RHPN2: variants seen among roughly 807,000 people sequenced by gnomAD.
RHPN2 encodes rhophilin Rho GTPase binding protein 2.
RHPN2 carries 40 observed loss-of-function variants against 79.0 expected under a neutral mutation model. The observed-to-expected ratio is 0.51, with a 90% CI of 0.39 to 0.66. RHPN2 has a LOEUF of 0.66. Ranked by LOEUF, RHPN2 falls within the 30% of genes least tolerant of loss-of-function variation. The pLI, the probability that RHPN2 is intolerant of heterozygous loss-of-function variation, is 0.00. For synonymous variants in RHPN2, 285 were observed against 363.5 expected, an observed-to-expected ratio of 0.78 and a Z score of 2.46; for missense variants, 686 against 883.5, an observed-to-expected ratio of 0.78 and a Z score of 2.83.
chr19:33,043,096 G>A lies in RHPN2; in HGVS notation c.185+1153C>T, dbSNP rs1240009949. Among the ~76,000 whole-genome samples the A allele has an allele frequency of 3.4e-5, 5 of 145,626 alleles. No individual in the cohort carries two copies. The East Asian group carries it at 8.3e-4, about 24-fold the overall frequency. The stretch of plus-strand genomic sequence containing the variant: ...TCCGTCTCAAAAAAAAAAAAAATTA[G>A]TCGGGCATGGTGGTGCATGCCTGTG... On this transcript the variant is annotated intron_variant, in intron 2 of 14. Coordinates refer to ENST00000254260, the MANE Select transcript of RHPN2 (RefSeq NM_033103.5).
chr19:33,009,439 TG>T (rs1314908525), intron 6 of RHPN2, among the ~76,000 whole-genome samples: 1 of 152,178 alleles, frequency 6.6e-6, no homozygotes, highest in African/African-American at 2.4e-5. Context: ...ACTCAGGATT[TG>T]TTTTAATTTG....
chr19:33,048,848 A>G (rs1972164928), intron 1 of RHPN2, among the ~76,000 whole-genome samples: 1 of 152,026 alleles, frequency 6.6e-6, no homozygotes, highest in Admixed American at 6.6e-5. Context: ...TTTGACTCTG[A>G]ATTACCTGGA....
rs766309812 is a variant in RHPN2 at position 33,010,384 on chromosome 19, TG to T, written c.593+1294del. Among the ~76,000 whole-genome samples the T allele has an allele frequency of 4.8e-4, 49 of 103,046 alleles. No individual in the cohort carries two copies. In the East Asian group the frequency reaches 8.9e-3, roughly 19 times the overall value. 67.6% of individuals were successfully genotyped at this position (103,046 alleles called of 152,430 possible). ...ATCTCCAAAGTACTTTTTTTTAGGT[TG>T]TTTTTTTTTTTTTTTGACACAGAGT... On this transcript the variant is annotated intron_variant, in intron 6 of 14. Transcript: ENST00000254260.
intron 6 of RHPN2, among the ~76,000 whole-genome samples, chr19:33,011,271 C>T (rs1427176883): frequency 6.6e-6 from 1 of 152,132 alleles, no homozygotes; most frequent in East Asian, 1.9e-4. Context: ...CTGTTTGGTG[C>T]TTTTGCCTCA....
chr19:32,985,054 A>T (rs80312505), intron 14 of RHPN2, among the ~76,000 whole-genome samples: 4 of 151,424 alleles, frequency 2.6e-5, no homozygotes, highest in Non-Finnish European at 5.9e-5. Flanking sequence ...GCTGGAGTGC[A>T]GTGGCACAAT....
At chr19:32,997,238 G>C (rs1314381788) in intron 10 of RHPN2, among the ~76,000 whole-genome samples, 1 of 152,166 alleles carries the variant, frequency 6.6e-6, no homozygotes, top group Non-Finnish European at 1.5e-5. Flanking sequence ...CCTCACTTGT[G>C]TCCATAAGAT....
intron 4 of RHPN2, 115 bp from the exon 5 acceptor site, chr19:33,012,839 T>TA (rs1599817973): frequency 4.4e-6 from 3 of 678,512 alleles, no homozygotes; most frequent in Non-Finnish European, 8.1e-6. Flanking sequence ...AAGAAAAACT[T>TA]ATAGTGATTT....
chr19:32,997,097 C>A (rs1014070160), intron 10 of RHPN2, among the ~76,000 whole-genome samples: 1 of 152,118 alleles, frequency 6.6e-6, no homozygotes, highest in Non-Finnish European at 1.5e-5. Flanking sequence ...ATTATCATTG[C>A]TATGTTGCCC....
intron 1 of RHPN2, among the ~76,000 whole-genome samples, chr19:33,050,136 C>T (rs745513824): frequency 9.2e-5 from 14 of 152,120 alleles, no homozygotes; most frequent in Non-Finnish European, 1.5e-4. Flanking sequence ...CAGGGTCAAT[C>T]GAAACCCATC....
chr19:33,021,125 T>C (rs1900302293), intron 4 of RHPN2, among the ~76,000 whole-genome samples: 1 of 152,172 alleles, frequency 6.6e-6, no homozygotes, highest in Non-Finnish European at 1.5e-5. Flanking sequence ...CAGACCCTCT[T>C]TGACTTGGCC....
intron 13 of RHPN2, 174 bp from the exon 14 acceptor site, chr19:32,990,843 A>C (rs1971652999): frequency 3.1e-6 from 2 of 635,932 alleles, no homozygotes; most frequent in Admixed American, 2.3e-5. Context: ...CAGCCTGTAC[A>C]ACACGGTGAA....
intron 2 of RHPN2, among the ~76,000 whole-genome samples, chr19:33,042,189 C>CAA (rs111551787): frequency 0.28 from 35,697 of 129,186 alleles, 7,312 homozygotes; most frequent in African/African-American, 0.59. Context: ...AACTCCATCT[C>CAA]AAAAAAAAAA....
At chr19:33,056,174 G>C (rs1293825157) in intron 1 of RHPN2, among the ~76,000 whole-genome samples, 2 of 148,756 alleles carry the variant, frequency 1.3e-5, no homozygotes, top group Non-Finnish European at 3.0e-5. Flanking sequence ...GTGCAATGGC[G>C]TGATCTCAGC....
At chr19:33,058,601 G>A (rs911225364) in intron 1 of RHPN2, among the ~76,000 whole-genome samples, 4 of 152,104 alleles carry the variant, frequency 2.6e-5, no homozygotes, top group Admixed American at 2.0e-4. Flanking sequence ...ACAACATGGT[G>A]AAACCCCAAC....
intron 2 of RHPN2, 121 bp from the exon 3 acceptor site, chr19:33,026,753 G>T: frequency 8.3e-7 from 1 of 1,210,576 alleles, no homozygotes; most frequent in Non-Finnish European, 1.2e-6. Flanking sequence ...GGAGGGCCAG[G>T]AGTGTCGGTT....
chr19:33,008,092 T>C lies in RHPN2; in HGVS notation c.682A>G (p.Thr228Ala). ...CGATCACACCGGGTCCCAATCTGGG[T>C]GTAGAGGGCCCCAGTGTTGAACAGG... ...SVLFNTGALY[T>A]QIGTRCDRQT... Residue 228 changes from threonine to alanine, a missense_variant, in exon 7 of 15, where the codon ACC becomes GCC. Physicochemically the swap from Thr to Ala is moderately conservative, Grantham distance 58 (BLOSUM62 0). Coordinates refer to ENST00000254260, the MANE Select transcript of RHPN2 (RefSeq NM_033103.5). The C allele has an allele frequency of 6.2e-7, 1 of 1,613,752 alleles. No individual in the cohort carries two copies. The highest frequency in any genetic ancestry group is 8.5e-7 in the Non-Finnish European group (1 of 1,179,948).
chr19:33,006,916 C>A (rs1368913174), intron 7 of RHPN2, among the ~76,000 whole-genome samples: 1 of 151,976 alleles, frequency 6.6e-6, no homozygotes, highest in Admixed American at 6.6e-5. Flanking sequence ...GTGGCAGGCG[C>A]CTGTAATCCC....
intron 4 of RHPN2, among the ~76,000 whole-genome samples, chr19:33,019,068 T>C (rs1330313607): frequency 1.4e-5 from 2 of 142,636 alleles, no homozygotes; most frequent in East Asian, 2.1e-4. Context: ...AAGAAAAAAA[T>C]AGTAATAGTC....
chr19:33,026,454 G>A lies in RHPN2; in HGVS notation c.314+50C>T, dbSNP rs117917910. 12,847 of 1,598,170 alleles carry A rather than the reference G, an allele frequency of 8.0e-3. 67 individuals carry two copies. Among genetic ancestry groups the A allele is most frequent in the Non-Finnish European group, 0.01 (12,119 of 1,174,396 alleles). ...TCTTTGTGCAGCACCCTGGATGTAC[G>A]AAGGATCTCTGGCTCAGAGGCTTTT... On this transcript the variant is annotated intron_variant, in intron 3 of 14. Transcript: ENST00000254260.
Sources: gnomAD v4.1 joint callset for allele counts (sites outside exome capture counted in the v4.1 genomes callset) on GRCh38, gnomAD v4.1.1 for gene constraint, MANE v1.5 for transcripts, NCBI Gene and HGNC (gene_info 2026-07-23, HGNC 2026-07-21) for gene names.